ATXN1: variants seen among roughly 807,000 people sequenced by gnomAD.
The protein encoded by ATXN1 is ataxin 1.
A neutral mutation model predicts 56.4 loss-of-function variants in ATXN1; 8 were observed. The ratio of observed to expected loss-of-function variants is 0.14; its 90% CI spans 0.08 to 0.26. The LOEUF is 0.26. Ranked by LOEUF, ATXN1 falls within the 10% of genes least tolerant of loss-of-function variation. The probability of loss-of-function intolerance (pLI) is 1.00; values close to 1 mark genes in which losing one functional copy is unlikely to be tolerated. For synonymous variants in ATXN1, 514 were observed against 494.6 expected (o/e 1.04, Z -0.52); for missense variants, 987 against 1,106.5 (o/e 0.89, Z 1.53).
In ATXN1 at chr6:16,457,815, C is replaced by T. The variant is rs552973039; in HGVS notation, c.-161+28157G>A. On this transcript the variant is annotated intron_variant, in intron 6 of 7. Coordinates refer to ENST00000436367, the MANE Select transcript of ATXN1 (RefSeq NM_001128164.2). ...ATGAGCCTCCTCTAATCTCCTCCAT[C>T]CAGAAGGAAACAAGCAAAGAAATTT... 9.2e-5 allele frequency among the ~76,000 whole-genome samples: 14 copies of T among 152,288 alleles called. No individual in the cohort carries two copies. In the South Asian group the frequency reaches 2.9e-3, roughly 32 times the overall value.
intron 6 of ATXN1, among the ~76,000 whole-genome samples, chr6:16,454,057 G>C (rs1436152794): frequency 1.4e-5 from 2 of 144,602 alleles, no homozygotes; most frequent in African/African-American, 5.2e-5. Context: ...TTGAACCCAG[G>C]AAGTGGAGGT....
chr6:16,373,641 C>T (rs530888130), intron 6 of ATXN1, among the ~76,000 whole-genome samples: 4 of 152,264 alleles, frequency 2.6e-5, no homozygotes, highest in Non-Finnish European at 5.9e-5. Flanking sequence ...ATACTGTTCT[C>T]GTGGTAGTGA....
chr6:16,401,318 G>A (rs1363659974), intron 6 of ATXN1, among the ~76,000 whole-genome samples: 1 of 152,142 alleles, frequency 6.6e-6, no homozygotes. Flanking sequence ...CAAGCCTGGG[G>A]GACCAGGCTC....
intron 3 of ATXN1, among the ~76,000 whole-genome samples, chr6:16,590,407 C>T (rs913013066): frequency 4.6e-5 from 7 of 152,154 alleles, no homozygotes; most frequent in African/African-American, 9.7e-5. Flanking sequence ...AGTTATTTTA[C>T]GAAGCAAACT....
At chr6:16,387,481 T>C (rs1758265398) in intron 6 of ATXN1, among the ~76,000 whole-genome samples, 1 of 152,204 alleles carries the variant, frequency 6.6e-6, no homozygotes, top group Non-Finnish European at 1.5e-5. Context: ...CAGACTATGC[T>C]TGCTCGTGAT....
In ATXN1 at chr6:16,300,093, A is replaced by G. The variant is rs1413442326; in HGVS notation, c.*6236T>C. 6.6e-6 allele frequency: 1 copy of G among 152,666 alleles called. No individual in the cohort carries two copies. 9.5% of individuals were successfully genotyped at this position (152,666 alleles called of 1,614,324 possible). ...ATTACTGTAAACAACACTTCCAACG[A>G]AGGCCTTCAGATTGGCCACAGAAAA... On this transcript the variant is annotated 3_prime_UTR_variant, in exon 8 of 8. Coordinates refer to ENST00000436367, the MANE Select transcript of ATXN1 (RefSeq NM_001128164.2).
At chr6:16,748,756 C>T (rs184005160) in intron 2 of ATXN1, among the ~76,000 whole-genome samples, 1 of 152,210 alleles carries the variant, frequency 6.6e-6, no homozygotes, top group Admixed American at 6.5e-5. Context: ...CTGTCTTAAC[C>T]TTCTTGTCTT....
intron 3 of ATXN1, among the ~76,000 whole-genome samples, chr6:16,646,198 G>A (rs1763795678): frequency 6.6e-6 from 1 of 152,168 alleles, no homozygotes; most frequent in Admixed American, 6.5e-5. Flanking sequence ...CTCAGCCTGG[G>A]TGACAGAGCA....
intron 5 of ATXN1, among the ~76,000 whole-genome samples, chr6:16,510,925 C>G (rs1215069123): frequency 6.6e-6 from 1 of 152,132 alleles, no homozygotes; most frequent in East Asian, 1.9e-4. Context: ...AAACTGCTTG[C>G]CAATAGTACA....
intron 4 of ATXN1, among the ~76,000 whole-genome samples, chr6:16,533,615 T>C (rs548958694): frequency 6.6e-6 from 1 of 152,110 alleles, no homozygotes; most frequent in Non-Finnish European, 1.5e-5. Context: ...TGGAGGGACA[T>C]AGGAAAGGGC....
At chr6:16,743,544 C>T (rs1561834263) in intron 2 of ATXN1, among the ~76,000 whole-genome samples, 1 of 152,174 alleles carries the variant, frequency 6.6e-6, no homozygotes, top group Non-Finnish European at 1.5e-5. Flanking sequence ...AGGGGGAATG[C>T]CCGTATGTAT....
intron 7 of ATXN1, among the ~76,000 whole-genome samples, chr6:16,310,647 C>T (rs1233375153): frequency 6.6e-6 from 1 of 152,084 alleles, no homozygotes; most frequent in Non-Finnish European, 1.5e-5. Context: ...CACCACCACG[C>T]CCAGCTACTT....
chr6:16,555,584 G>A (rs1472928751), intron 4 of ATXN1, among the ~76,000 whole-genome samples: 1 of 152,190 alleles, frequency 6.6e-6, no homozygotes. Context: ...TTTGACATGA[G>A]ACCGGCTGTC....
rs751561220 is a variant in ATXN1 at position 16,306,551 on chromosome 6, G to A, written c.2226C>T (p.Gly742=). The A allele has an allele frequency of 9.3e-6, 15 of 1,614,170 alleles. No homozygotes were observed. The highest frequency in any genetic ancestry group is 1.3e-5 in the Non-Finnish European group (15 of 1,180,024). The change falls in exon 8 of 8, where the codon GGC becomes GGT. Residue 742 remains glycine (G), a synonymous_variant. Transcript: ENST00000436367. This position sits in a 1 kb window ranked among gnomAD's most constrained non-coding sequence, Gnocchi z 5.2. ...CCATTTTCTCTGGAAACTTCAGTTC[G>A]CCATTCTCAGAGAGCATCTGGGCAC... ...QGSAQMLSEN[G]ELKFPEKMGL...
intron 3 of ATXN1, among the ~76,000 whole-genome samples, chr6:16,631,089 C>T (rs9464930): frequency 0.01 from 1,557 of 152,244 alleles, 32 homozygotes; most frequent in African/African-American, 0.036. Flanking sequence ...CCTGGCACTG[C>T]GCTGACTGCC....
chr6:16,328,251 G>T lies in ATXN1; in HGVS notation c.60C>A (p.Pro20=). ...TCTCCTCGGAGGACCGGCTGGTGGC[G>T]GGGATCTCGCGCTTCTTGGGAGGCA... ...ECLPPKKREI[P]ATSRSSEEKA... The change falls in exon 7 of 8, where the codon CCC becomes CCA. Residue 20 remains proline (P), a synonymous_variant. Coordinates refer to ENST00000436367, the MANE Select transcript of ATXN1 (RefSeq NM_001128164.2). The surrounding 1 kb of genome is among the most constrained non-coding windows in gnomAD (Gnocchi z 6.2). The T allele has an allele frequency of 6.5e-7, 1 of 1,545,976 alleles. No individual in the cohort carries two copies. The highest frequency in any genetic ancestry group is 1.4e-5 in the African/African-American group (1 of 72,748).
At chr6:16,606,888 T>TGTGTGTGTGTGTGTGTGTG (rs145108851) in intron 3 of ATXN1, among the ~76,000 whole-genome samples, 17 of 147,034 alleles carry the variant, frequency 1.2e-4, no homozygotes, top group African/African-American at 2.2e-4. Context: ...TGTGTGTGTG[T>TGTGTGTGTGTGTGTGTGTG]TGTTTGTTTG....
chr6:16,336,434 C>T (rs1178243686), intron 6 of ATXN1, among the ~76,000 whole-genome samples: 2 of 152,102 alleles, frequency 1.3e-5, no homozygotes, highest in Non-Finnish European at 2.9e-5. Context: ...AGAGACTGAT[C>T]AGTGACCAAG....
rs1382128046 is a variant in ATXN1, at chr6:16,301,499, C to A, written c.*4830G>T. ...CATGTGCTTTATAAAAAAGTATATT[C>A]TCTGTATATTTATTACTTGATGTGT... On this transcript the variant is annotated 3_prime_UTR_variant, in exon 8 of 8. Coordinates refer to ENST00000436367, the MANE Select transcript of ATXN1 (RefSeq NM_001128164.2). 1 of 152,330 alleles carries A rather than the reference C, an allele frequency of 6.6e-6. No homozygotes were observed. The highest frequency in any genetic ancestry group is 1.5e-5 in the Non-Finnish European group (1 of 68,020). 9.4% of individuals were successfully genotyped at this position (152,330 alleles called of 1,614,324 possible).
Sources: allele counts gnomAD v4.1 joint callset (sites outside exome capture counted in the v4.1 genomes callset), GRCh38; gene constraint gnomAD v4.1.1; non-coding constraint Gnocchi (gnomAD v3.1); transcripts MANE v1.5; gene names NCBI Gene and HGNC (gene_info 2026-07-23, HGNC 2026-07-21).